The following TENM2 variants were observed in gnomAD, a reference collection of about 807,000 sequenced individuals.
TENM2 encodes teneurin transmembrane protein 2.
In TENM2, 52 loss-of-function variants were observed where a neutral mutation model predicts 245.2. That is an observed-to-expected ratio of 0.21 (90% CI 0.17 to 0.27). TENM2 has a LOEUF of 0.27. Among genes scored for constraint, TENM2 ranks in the 10% least tolerant of loss-of-function variants. The probability of loss-of-function intolerance (pLI) is 1.00; values close to 1 mark genes in which losing one functional copy is unlikely to be tolerated. For missense variants in TENM2, 3,046 were observed against 3,666.8 expected (o/e 0.83, Z 4.37); for synonymous variants, 1,363 against 1,438.9 (o/e 0.95, Z 1.19).
At chr5:168,068,843 G>GTT (rs1391965023) in intron 7 of TENM2, among the ~76,000 whole-genome samples, 2 of 55,402 alleles carry the variant, frequency 3.6e-5, no homozygotes, top group Non-Finnish European at 1.0e-4. Context: ...ATCTCTGTGT[G>GTT]TTTGTGTGTG....
the TENM2 span, among the ~76,000 whole-genome samples, chr5:167,105,862 T>G: frequency 9.3e-6 from 1 of 107,646 alleles, no homozygotes; most frequent in African/African-American, 3.8e-5. Flanking sequence ...CACTCCAGCC[T>G]GGGCGACAGA....
intron 7 of TENM2, among the ~76,000 whole-genome samples, chr5:168,076,904 G>A (rs1241504965): frequency 3.3e-5 from 5 of 151,964 alleles, no homozygotes; most frequent in Non-Finnish European, 5.9e-5. Flanking sequence ...TGAGAGAGGC[G>A]GGCCAGCACC....
chr5:167,422,981 T>G (rs895479216), intron 2 of TENM2, among the ~76,000 whole-genome samples: 1 of 152,188 alleles, frequency 6.6e-6, no homozygotes, highest in Non-Finnish European at 1.5e-5. Flanking sequence ...GTTTTGTCCA[T>G]GTTGTGCAGC....
At chr5:167,798,742 GCTTTT>G (rs1765492977) in intron 2 of TENM2, among the ~76,000 whole-genome samples, 1 of 152,192 alleles carries the variant, frequency 6.6e-6, no homozygotes, top group East Asian at 1.9e-4. Context: ...CATTTAGTCA[GCTTTT>G]ACTGTCCTCA....
chr5:167,770,603 C>G (rs553332793), intron 2 of TENM2, among the ~76,000 whole-genome samples: 1 of 152,176 alleles, frequency 6.6e-6, no homozygotes, highest in Non-Finnish European at 1.5e-5. Flanking sequence ...CTTGTAACCA[C>G]CACGTTGCAC....
chr5:167,578,567 G>T (rs1582439403), intron 2 of TENM2, among the ~76,000 whole-genome samples: 1 of 152,200 alleles, frequency 6.6e-6, no homozygotes. Flanking sequence ...GGTTTAGAAG[G>T]TGTGATGTTC....
At chr5:167,333,333 C>G (rs1039771624) in intron 1 of TENM2, among the ~76,000 whole-genome samples, 1 of 152,166 alleles carries the variant, frequency 6.6e-6, no homozygotes, top group Non-Finnish European at 1.5e-5. Flanking sequence ...TCGATTTTCT[C>G]AGCTGCAAAG....
intron 4 of TENM2, among the ~76,000 whole-genome samples, chr5:167,983,312 A>G (rs893339018): frequency 6.6e-6 from 1 of 151,750 alleles, no homozygotes; most frequent in African/African-American, 2.4e-5. Flanking sequence ...TTCATGGAGG[A>G]AAAAAAAAGT....
At chr5:167,360,009 G>A (rs1479457113) in intron 1 of TENM2, among the ~76,000 whole-genome samples, 4 of 152,100 alleles carry the variant, frequency 2.6e-5, no homozygotes, top group East Asian at 1.9e-4. Context: ...ACAGACACTG[G>A]GGTCTACCTC....
At chr5:167,048,091 AT>A in the TENM2 span, among the ~76,000 whole-genome samples, 3 of 152,168 alleles carry the variant, frequency 2.0e-5, no homozygotes, top group African/African-American at 4.8e-5. Context: ...TTCAAAAAAA[AT>A]CTAGATGAAT....
At chr5:167,738,670 G>C (rs1345752472) in intron 2 of TENM2, among the ~76,000 whole-genome samples, 3 of 152,142 alleles carry the variant, frequency 2.0e-5, no homozygotes, top group Non-Finnish European at 4.4e-5. Context: ...AGTTCTGGAG[G>C]CTGGAAGTCC....
At chr5:167,925,567 G>A (rs531640234) in intron 3 of TENM2, among the ~76,000 whole-genome samples, 4 of 152,144 alleles carry the variant, frequency 2.6e-5, no homozygotes, top group Non-Finnish European at 5.9e-5. Context: ...AGAGTTAAAA[G>A]CAGAATTACC....
At chr5:167,817,444 C>T (rs1234098201) in intron 2 of TENM2, among the ~76,000 whole-genome samples, 1 of 152,030 alleles carries the variant, frequency 6.6e-6, no homozygotes, top group Non-Finnish European at 1.5e-5. Context: ...ATATTAATAA[C>T]TTATATGTGT....
Position 168,172,274 on chromosome 5 carries a change from A to C in TENM2, c.2569+9517A>C, listed in dbSNP as rs184927273. ...TATAGACATTTAATGTCCCAGGAAC[A>C]CATCTGTCTGAGGGACCAGAGGGTC... On this transcript the variant is annotated intron_variant, in intron 13 of 28. Transcript: ENST00000518659. 3.9e-5 allele frequency among the ~76,000 whole-genome samples: 6 copies of C among 152,350 alleles called. No individual in the cohort carries two copies. In the East Asian group the frequency reaches 9.6e-4, roughly 24 times the overall value.
intron 2 of TENM2, among the ~76,000 whole-genome samples, chr5:167,473,926 G>T (rs1767202897): frequency 1.3e-5 from 2 of 152,030 alleles, no homozygotes; most frequent in Non-Finnish European, 2.9e-5. Context: ...CTTTGCAATG[G>T]GCCTGAGTTT....
At chr5:167,849,135 C>T (rs373836961) in intron 2 of TENM2, among the ~76,000 whole-genome samples, 1 of 152,108 alleles carries the variant, frequency 6.6e-6, no homozygotes, top group Non-Finnish European at 1.5e-5. Flanking sequence ...TACTTCCTTG[C>T]CTTTTCCAGC....
chr5:167,710,220 T>C (rs1175677792), intron 2 of TENM2, among the ~76,000 whole-genome samples: 1 of 152,214 alleles, frequency 6.6e-6, no homozygotes, highest in Non-Finnish European at 1.5e-5. Flanking sequence ...TGTATACATA[T>C]GTACACACAC....
chr5:168,122,649 A>G (rs949988260), intron 10 of TENM2, among the ~76,000 whole-genome samples: 4 of 152,192 alleles, frequency 2.6e-5, no homozygotes, highest in African/African-American at 9.7e-5. Flanking sequence ...ATTATGTAAC[A>G]TCATCATAAA....
At chr5:167,284,158 AG>A (rs1771203608), upstream of TENM2, among the ~76,000 whole-genome samples, 2 of 152,232 alleles carry the variant, frequency 1.3e-5, no homozygotes, top group Non-Finnish European at 2.9e-5. Flanking sequence ...GTTTGCCAAA[AG>A]CTCGTTGAAG....
Sources: gnomAD v4.1 joint callset for allele counts (sites outside exome capture counted in the v4.1 genomes callset) on GRCh38, gnomAD v4.1.1 for gene constraint, MANE v1.5 for transcripts, NCBI Gene and HGNC (gene_info 2026-07-23, HGNC 2026-07-21) for gene names.